The following COL5A2 variants were observed in gnomAD, a reference collection of about 807,000 sequenced individuals.
COL5A2 encodes collagen alpha-2(V) chain.
COL5A2 carries 23 observed loss-of-function variants against 208.2 expected under a neutral mutation model. The observed-to-expected ratio is 0.11, with a 90% CI of 0.08 to 0.16. The LOEUF (loss-of-function observed/expected upper bound fraction) is 0.16. Among genes scored for constraint, COL5A2 ranks in the 10% least tolerant of loss-of-function variants. COL5A2 has a pLI of 1.00. For missense variants in COL5A2, 1,590 were observed against 1,956.4 expected (o/e 0.81, Z 3.53); for synonymous variants, 625 against 628.5 (o/e 0.99, Z 0.08).
intron 43 of COL5A2, 136 bp downstream of exon 43, chr2:189,050,433 T>C (rs1685759483): frequency 1.4e-6 from 1 of 734,308 alleles, no homozygotes; most frequent in South Asian, 1.6e-5. Flanking sequence ...GATCAAAAGA[T>C]TTTTAAGAGA....
At chr2:189,119,933 G>A (rs1218330763) in intron 1 of COL5A2, among the ~76,000 whole-genome samples, 3 of 151,838 alleles carry the variant, frequency 2.0e-5, no homozygotes, top group African/African-American at 7.2e-5. Context: ...TTAACATATA[G>A]AAAAAGATAA....
At chr2:189,250,501 G>C in the COL5A2 span, among the ~76,000 whole-genome samples, 1 of 152,170 alleles carries the variant, frequency 6.6e-6, no homozygotes, top group Non-Finnish European at 1.5e-5. Flanking sequence ...ACTTTAGCTA[G>C]AATCTTCAAT....
At chr2:189,199,066 A>G (rs994530723) in intron 1 of COL5A2, among the ~76,000 whole-genome samples, 11 of 151,776 alleles carry the variant, frequency 7.2e-5, no homozygotes, top group African/African-American at 2.7e-4. Context: ...ACTATTATTT[A>G]TCCTTTCATA....
intron 33 of COL5A2, 53 bp from the exon 34 acceptor site, chr2:189,057,480 A>G: frequency 7.3e-7 from 1 of 1,360,912 alleles, no homozygotes; most frequent in Non-Finnish European, 1.1e-6. Context: ...GATTAAACTA[A>G]TGAAATTGCT....
At chr2:189,349,120 C>T in the COL5A2 span, among the ~76,000 whole-genome samples, 1 of 152,082 alleles carries the variant, frequency 6.6e-6, no homozygotes, top group Middle Eastern at 3.2e-3. Flanking sequence ...CCTCTCAAAA[C>T]ACAAAAGCTA....
At chr2:189,068,427 T>C (rs1289844223) in intron 19 of COL5A2, among the ~76,000 whole-genome samples, 157 bp from the exon 20 acceptor site, 1 of 152,158 alleles carries the variant, frequency 6.6e-6, no homozygotes, top group Non-Finnish European at 1.5e-5. Context: ...TTTGACTACT[T>C]CTCCTTTACA....
At chr2:189,047,942 T>C (rs1319920996) in intron 45 of COL5A2, among the ~76,000 whole-genome samples, 1 of 152,228 alleles carries the variant, frequency 6.6e-6, no homozygotes, top group Non-Finnish European at 1.5e-5. Context: ...ACTTCATATA[T>C]ATCCTCATCC....
the COL5A2 span, among the ~76,000 whole-genome samples, chr2:189,324,483 AC>A: frequency 5.3e-5 from 8 of 152,140 alleles, no homozygotes; most frequent in African/African-American, 1.9e-4. Context: ...AAAACAAACA[AC>A]CCCATCAAGA....
chr2:189,035,924 CA>C (rs1329534677), intron 52 of COL5A2, among the ~76,000 whole-genome samples: 1 of 152,054 alleles, frequency 6.6e-6, no homozygotes, highest in Non-Finnish European at 1.5e-5. Flanking sequence ...GTTGTCTGAA[CA>C]CCAGACCATG....
the COL5A2 span, among the ~76,000 whole-genome samples, chr2:189,271,531 G>A: frequency 1.3e-4 from 19 of 151,970 alleles, no homozygotes; most frequent in Non-Finnish European, 2.4e-4. Context: ...AGACTTAAAC[G>A]TTAAGACCTA....
At chr2:189,260,280 C>T in the COL5A2 span, among the ~76,000 whole-genome samples, 1 of 152,154 alleles carries the variant, frequency 6.6e-6, no homozygotes, top group Non-Finnish European at 1.5e-5. Context: ...AAACCTTTAG[C>T]AAACAGAGAT....
chr2:189,089,253 C>T (rs1235079767), intron 7 of COL5A2, among the ~76,000 whole-genome samples: 1 of 152,134 alleles, frequency 6.6e-6, no homozygotes, highest in Admixed American at 6.6e-5. Flanking sequence ...CTTTAAATTA[C>T]ATTTATGTAA....
At chr2:189,349,342 A>C in the COL5A2 span, among the ~76,000 whole-genome samples, 1 of 152,228 alleles carries the variant, frequency 6.6e-6, no homozygotes, top group Non-Finnish European at 1.5e-5. Context: ...CAAAGGAAGG[A>C]ACAATAACTA....
At chr2:189,116,337 C>T (rs753893035) in intron 1 of COL5A2, among the ~76,000 whole-genome samples, 4 of 152,168 alleles carry the variant, frequency 2.6e-5, no homozygotes, top group Non-Finnish European at 4.4e-5. Context: ...CAAGGAAATC[C>T]TTCCCTTCCT....
intron 3 of COL5A2, among the ~76,000 whole-genome samples, chr2:189,102,038 A>G (rs563772777): frequency 6.6e-6 from 1 of 152,116 alleles, no homozygotes; most frequent in Non-Finnish European, 1.5e-5. Flanking sequence ...ATTTTTCAAA[A>G]TGCTGAAAGA....
the COL5A2 span, among the ~76,000 whole-genome samples, chr2:189,397,875 T>A: frequency 6.6e-6 from 1 of 152,192 alleles, no homozygotes; most frequent in Middle Eastern, 3.4e-3. Context: ...TCTTTTCCTA[T>A]CTTATAAAGA....
chr2:189,360,610 G>A, the COL5A2 span, among the ~76,000 whole-genome samples: 1 of 151,978 alleles, frequency 6.6e-6, no homozygotes, highest in Non-Finnish European at 1.5e-5. Flanking sequence ...ATGTTATTTT[G>A]TTGTTTTTTG....
At chr2:189,245,448 GT>G in the COL5A2 span, among the ~76,000 whole-genome samples, 1 of 149,264 alleles carries the variant, frequency 6.7e-6, no homozygotes, top group African/African-American at 2.5e-5. Flanking sequence ...TACTATATCT[GT>G]TTTATTTTAA....
At chr2:189,144,342 G>A (rs1687997071) in intron 1 of COL5A2, among the ~76,000 whole-genome samples, 2 of 152,022 alleles carry the variant, frequency 1.3e-5, no homozygotes, top group African/African-American at 4.8e-5. Flanking sequence ...TTTTGTTTCT[G>A]AGCAAGAATC....
Sources: allele counts gnomAD v4.1 joint callset (sites outside exome capture counted in the v4.1 genomes callset), GRCh38; gene constraint gnomAD v4.1.1; transcripts MANE v1.5; gene names NCBI Gene and HGNC (gene_info 2026-07-23, HGNC 2026-07-21).